The following NDUFAF6 variants were observed in gnomAD, a reference collection of about 807,000 sequenced individuals.
NDUFAF6 encodes the protein NADH:ubiquinone oxidoreductase complex assembly factor 6.
NDUFAF6 carries 45 observed loss-of-function variants against 40.8 expected under a neutral mutation model. That is an observed-to-expected ratio of 1.10 (90% CI 0.87 to 1.42). The LOEUF is 1.42. NDUFAF6 is among the 40% of genes most tolerant of loss of function. The pLI is 0.00. For missense variants in NDUFAF6, 435 were observed against 418.5 expected (o/e 1.04, Z -0.34); for synonymous variants, 185 against 155.9 (o/e 1.19, Z -1.39).
At chr8:95,073,512 T>TCGCCC (rs1832941045) in intron 9 of NDUFAF6, among the ~76,000 whole-genome samples, 1 of 151,582 alleles carries the variant, frequency 6.6e-6, no homozygotes, top group South Asian at 2.1e-4. Flanking sequence ...CGCCCCCGCC[T>TCGCCC]CGCCCCGCTG....
chr8:94,981,953 G>A (rs1825480975), intron 2 of NDUFAF6, among the ~76,000 whole-genome samples: 2 of 151,426 alleles, frequency 1.3e-5, no homozygotes, highest in Non-Finnish European at 2.9e-5. Context: ...AAATTGGCCA[G>A]GCGCGGTGGC....
At chr8:95,039,043 C>T (rs1188643587) in intron 3 of NDUFAF6, among the ~76,000 whole-genome samples, 1 of 150,734 alleles carries the variant, frequency 6.6e-6, no homozygotes, top group Non-Finnish European at 1.5e-5. Flanking sequence ...GTGTCATTAT[C>T]TCAGCTCACT....
intron 5 of NDUFAF6, 147 bp from the exon 6 acceptor site, chr8:95,046,847 C>T: frequency 1.0e-6 from 1 of 1,003,608 alleles, no homozygotes; most frequent in South Asian, 1.5e-5. Flanking sequence ...TTATTGTGCC[C>T]AGTTTTTCAC....
At chr8:95,046,710 A>G (rs1411213861) in intron 5 of NDUFAF6, among the ~76,000 whole-genome samples, 2 of 152,222 alleles carry the variant, frequency 1.3e-5, no homozygotes, top group East Asian at 1.9e-4. Flanking sequence ...GAAGACTTGT[A>G]AAGTTTTTCC....
chr8:95,044,509 A>G (rs1253151753), intron 4 of NDUFAF6: 1 of 148,572 alleles, frequency 6.7e-6, no homozygotes, highest in African/African-American at 2.5e-5. Context: ...CTGGAGTACA[A>G]TGGCACGACC....
intron 1 of NDUFAF6, among the ~76,000 whole-genome samples, chr8:95,025,749 T>C (rs1482141381): frequency 6.6e-6 from 1 of 152,210 alleles, no homozygotes; most frequent in Non-Finnish European, 1.5e-5. Context: ...GGTTTTATAG[T>C]GATTAGAGAA....
chr8:95,055,889 A>G (rs1477006432), intron 8 of NDUFAF6, among the ~76,000 whole-genome samples: 1 of 152,144 alleles, frequency 6.6e-6, no homozygotes, highest in Non-Finnish European at 1.5e-5. Context: ...TGTCACCATT[A>G]AATTGGACTC....
upstream of NDUFAF6, among the ~76,000 whole-genome samples, chr8:95,099,007 G>A (rs530487980): frequency 2.0e-5 from 3 of 152,226 alleles, no homozygotes; most frequent in Admixed American, 1.3e-4. Flanking sequence ...TTGGGAGGCC[G>A]AGGCAGGCAG....
chr8:94,928,280 T>C (rs922106473), intron 1 of NDUFAF6: 7 of 152,216 alleles, frequency 4.6e-5, no homozygotes, highest in African/African-American at 9.6e-5. Flanking sequence ...AATCTGTTCA[T>C]GTTGCCAAAC....
Position 94,976,501 on chromosome 8 carries a change from CAAAAA to C in NDUFAF6, c.-198-4339_-198-4335del, listed in dbSNP as rs35323204. 6.2e-3 allele frequency among the ~76,000 whole-genome samples: 569 copies of C among 91,930 alleles called. 4 individuals carry two copies. Among genetic ancestry groups the C allele is most frequent in the African/African-American group, 0.023 (484 of 21,118 alleles). 60.3% of individuals were successfully genotyped at this position (91,930 alleles called of 152,430 possible). A position where few individuals can be genotyped will look rare whatever the true frequency, so the allele number is the denominator to read the frequency against. ...CTGGTGACAGAGCAACACTCCATCT[CAAAAA>C]AAAAAAAAAAAAAAAAAATTAGCTG... On this transcript the variant is annotated intron_variant, in intron 1 of 9. Transcript: ENST00000396111.
At chr8:94,997,343 C>CACACACACACACAGAGAG (rs1242904810) in intron 2 of NDUFAF6, among the ~76,000 whole-genome samples, 5 of 90,514 alleles carry the variant, frequency 5.5e-5, no homozygotes, top group African/African-American at 1.4e-4. Flanking sequence ...CACACACACA[C>CACACACACACACAGAGAG]AGAGAGAGAG....
chr8:94,979,860 C>T lies in NDUFAF6; in HGVS notation c.-198-999C>T, dbSNP rs769373859. On this transcript the variant is annotated intron_variant, in intron 1 of 9. Transcript: ENST00000396111. ...CTGTAATCCCAGCACTTTGGGAGGC[C>T]GAGGCAGGTGGATCACTTGAGGCCA... is the stretch of plus-strand genomic sequence containing the variant. 6.6e-5 allele frequency among the ~76,000 whole-genome samples: 10 copies of T among 152,184 alleles called. No individual in the cohort carries two copies. The East Asian group carries it at 7.7e-4, about 12-fold the overall frequency.
exon 1 of NDUFAF6, chr8:95,100,507 T>C (rs1809617118): frequency 1.3e-5 from 2 of 152,210 alleles, no homozygotes; most frequent in Non-Finnish European, 2.9e-5. Flanking sequence ...TGCCTTTGAA[T>C]ATACTGTGTT....
At chr8:95,002,498 G>A (rs1031564710) in intron 2 of NDUFAF6, among the ~76,000 whole-genome samples, 2 of 152,184 alleles carry the variant, frequency 1.3e-5, no homozygotes, top group African/African-American at 4.8e-5. Context: ...TGTATCATCT[G>A]ATAGAAAGGC....
chr8:95,075,860 T>A, exon 10 of NDUFAF6: 1 of 438,310 alleles, frequency 2.3e-6, no homozygotes, highest in South Asian at 1.9e-5. Flanking sequence ...CAGAGGAGAA[T>A]CTTTGACAAA....
chr8:94,941,884 G>A (rs1442591189), intron 1 of NDUFAF6, among the ~76,000 whole-genome samples: 1 of 152,094 alleles, frequency 6.6e-6, no homozygotes, highest in East Asian at 1.9e-4. Context: ...ATTTCTACCT[G>A]GCTACCTGAT....
chr8:94,919,655 C>T (rs1819367770), intron 1 of NDUFAF6, among the ~76,000 whole-genome samples: 1 of 152,156 alleles, frequency 6.6e-6, no homozygotes. Flanking sequence ...GAGTGATAGC[C>T]ACTCCTCCCA....
At chr8:94,991,505 A>G (rs1043597838) in intron 2 of NDUFAF6, among the ~76,000 whole-genome samples, 2 of 152,194 alleles carry the variant, frequency 1.3e-5, no homozygotes, top group African/African-American at 2.4e-5. Context: ...GGGGATAATA[A>G]TAATAGCCTC....
chr8:94,901,019 A>G (rs1231933363), intron 1 of NDUFAF6, among the ~76,000 whole-genome samples: 1 of 152,230 alleles, frequency 6.6e-6, no homozygotes, highest in African/African-American at 2.4e-5. Flanking sequence ...GATGAAAAAT[A>G]AGAGCAGGGT....
Sources: gnomAD v4.1 joint callset for allele counts (sites outside exome capture counted in the v4.1 genomes callset) on GRCh38, gnomAD v4.1.1 for gene constraint, MANE v1.5 for transcripts, NCBI Gene and HGNC (gene_info 2026-07-23, HGNC 2026-07-21) for gene names.